NFXL1: variants seen among roughly 807,000 people sequenced by gnomAD.
NFXL1 encodes the protein NF-X1-type zinc finger protein NFXL1.
Under a neutral mutation model 123.3 loss-of-function variants are expected in NFXL1, and 66 were observed. The ratio of observed to expected loss-of-function variants is 0.54; its 90% CI spans 0.44 to 0.66. NFXL1 has a LOEUF of 0.66. NFXL1 is among the 30% of genes least tolerant of loss of function. The pLI, the probability that NFXL1 is intolerant of heterozygous loss-of-function variation, is 0.00. For missense variants in NFXL1, 944 were observed against 1,125.6 expected, an observed-to-expected ratio of 0.84 and a Z score of 2.31; for synonymous variants, 346 against 360.8, an observed-to-expected ratio of 0.96 and a Z score of 0.46.
intron 20 of NFXL1, among the ~76,000 whole-genome samples, chr4:47,852,379 C>A (rs1367715165): frequency 1.3e-5 from 2 of 152,070 alleles, no homozygotes; most frequent in East Asian, 3.9e-4. Flanking sequence ...CATATGGCTA[C>A]TGAGCACTTG....
chr4:47,863,093 T>G (rs929482561), intron 18 of NFXL1, among the ~76,000 whole-genome samples, 178 bp from the exon 19 acceptor site: 3 of 152,214 alleles, frequency 2.0e-5, no homozygotes, highest in African/African-American at 7.2e-5. Context: ...TTCTGATAAC[T>G]CAAACCATCC....
upstream of NFXL1, chr4:47,914,651 G>GC (rs2110115222): frequency 6.9e-6 from 1 of 144,262 alleles, no homozygotes; most frequent in South Asian, 2.5e-4. Context: ...ACTCCCAGAA[G>GC]CCCCCGCCCG....
chr4:47,889,542 G>C (rs1046322512), intron 12 of NFXL1, among the ~76,000 whole-genome samples: 1 of 152,150 alleles, frequency 6.6e-6, no homozygotes, highest in African/African-American at 2.4e-5. Flanking sequence ...ATATGCTGCA[G>C]GATTTCTGAA....
chr4:47,851,717 A>C, intron 21 of NFXL1, 139 bp downstream of exon 21: 1 of 565,322 alleles, frequency 1.8e-6, no homozygotes, highest in East Asian at 3.0e-5. Flanking sequence ...TCTGCCATTC[A>C]AAATAAGCCT....
chr4:47,914,207 T>G lies in NFXL1; in HGVS notation c.-2-2A>C, dbSNP rs1578048807. Reference sequence around the variant, plus strand: ...CCTGGCGCCAGGAAGCTTCCATCCCTGCAAAGGAGAAAAAAAAAAAAAAGA... The same window carrying G: ...CCTGGCGCCAGGAAGCTTCCATCCCGGCAAAGGAGAAAAAAAAAAAAAAGA... On this transcript the variant is annotated splice_acceptor_variant, in intron 1 of 22. Transcript: ENST00000507489. LOFTEE classifies it low-confidence loss of function (5UTR_SPLICE). 7.7e-6 allele frequency: 11 copies of G among 1,424,194 alleles called. No individual in the cohort carries two copies. Among genetic ancestry groups the G allele is most frequent in the Admixed American group, 5.3e-5 (2 of 38,048 alleles). 88.2% of individuals were successfully genotyped at this position (1,424,194 alleles called of 1,614,324 possible).
intron 3 of NFXL1, among the ~76,000 whole-genome samples, chr4:47,906,528 AAATT>A (rs1215675327): frequency 3.3e-5 from 5 of 152,186 alleles, no homozygotes; most frequent in Non-Finnish European, 7.3e-5. Flanking sequence ...TCAAAACTAT[AAATT>A]ATTATAAAAT....
chr4:47,852,576 A>G (rs1213643704), intron 20 of NFXL1, among the ~76,000 whole-genome samples: 1 of 151,964 alleles, frequency 6.6e-6, no homozygotes, highest in African/African-American at 2.4e-5. Context: ...TTTAGATGAA[A>G]ATTGTTCTAA....
intron 11 of NFXL1, among the ~76,000 whole-genome samples, chr4:47,891,692 T>C (rs1736776441): frequency 6.6e-6 from 1 of 152,194 alleles, no homozygotes; most frequent in South Asian, 2.1e-4. Flanking sequence ...AACTTAGGGT[T>C]GTATATAAGA....
chr4:47,905,180 A>G lies in NFXL1; in HGVS notation c.516+57T>C, dbSNP rs182849563. 2.4e-3 allele frequency: 1,646 copies of G among 683,472 alleles called. 12 individuals are homozygous for G. Among genetic ancestry groups the G allele is most frequent in the Middle Eastern group, 0.01 (40 of 3,950 alleles). 42.3% of individuals were successfully genotyped at this position (683,472 alleles called of 1,614,324 possible). A position where few individuals can be genotyped will look rare whatever the true frequency, so the allele number is the denominator to read the frequency against. On this transcript the variant is annotated intron_variant, in intron 4 of 22. Transcript: ENST00000507489. ...GAATAATAAATCGTTAAGTATTGTAAGGCAAACTAAGGTATTTTGGGGAGA... is the reference window on the plus strand; with the variant it reads ...GAATAATAAATCGTTAAGTATTGTAGGGCAAACTAAGGTATTTTGGGGAGA...
Position 47,884,428 on chromosome 4 carries a change from T to C in NFXL1, c.1834A>G (p.Thr612Ala), listed in dbSNP as rs377679572. 25 of 1,601,850 alleles carry C rather than the reference T, an allele frequency of 1.6e-5. No individual in the cohort carries two copies. The African/African-American group carries it at 3.1e-4, about 20-fold the overall frequency. ...LIKQTGRHQP[T>A]GPWEQPSEPA... ...TCAGAAGGCTGTTCCCAAGGGCCTGTAGGCTGGTGCTACAAATAAAATACA... is the reference window on the plus strand; with the variant it reads ...TCAGAAGGCTGTTCCCAAGGGCCTGCAGGCTGGTGCTACAAATAAAATACA... The change falls in exon 15 of 23, where the codon ACA (threonine) becomes GCA (alanine). Residue 612 changes from threonine to alanine, a missense_variant. By Grantham distance (58) the Thr-to-Ala change is moderately conservative. Around this residue, in one of 4 missense-constraint regions of NFXL1, gnomAD observed 44 missense variants for 90.4 expected, o/e 0.49. Transcript: ENST00000507489.
intron 11 of NFXL1, among the ~76,000 whole-genome samples, chr4:47,893,315 A>G (rs1249001419): frequency 1.3e-5 from 2 of 152,124 alleles, no homozygotes; most frequent in Non-Finnish European, 2.9e-5. Flanking sequence ...CACAAATATA[A>G]TAAAAACTAT....
intron 14 of NFXL1, among the ~76,000 whole-genome samples, chr4:47,885,104 AAC>A (rs1736346088): frequency 6.6e-6 from 1 of 151,484 alleles, no homozygotes; most frequent in Non-Finnish European, 1.5e-5. Flanking sequence ...CAGCCTGGGC[AAC>A]AGAGTGAGAC....
At chr4:47,875,461 A>G in intron 17 of NFXL1, 168 bp from the exon 18 acceptor site, 1 of 454,058 alleles carries the variant, frequency 2.2e-6, no homozygotes. Flanking sequence ...AAAATATTCA[A>G]ACTAAAGAAC....
At chr4:47,906,676 C>A (rs1451406886) in intron 3 of NFXL1, among the ~76,000 whole-genome samples, 1 of 152,094 alleles carries the variant, frequency 6.6e-6, no homozygotes, top group Non-Finnish European at 1.5e-5. Flanking sequence ...TTTTAAATTT[C>A]ATCTAATTTA....
intron 15 of NFXL1, among the ~76,000 whole-genome samples, chr4:47,881,501 T>C (rs1354747091): frequency 6.6e-6 from 1 of 152,122 alleles, no homozygotes; most frequent in Non-Finnish European, 1.5e-5. Flanking sequence ...AGTCTTACCA[T>C]GTGATCCAGC....
intron 18 of NFXL1, 84 bp downstream of exon 18, chr4:47,875,043 T>C (rs902044369): frequency 3.1e-5 from 27 of 864,804 alleles, no homozygotes; most frequent in Non-Finnish European, 4.2e-5. Context: ...TTAAGCAAAG[T>C]ACACTATAAA....
intron 18 of NFXL1, among the ~76,000 whole-genome samples, chr4:47,872,616 G>GTTATGT (rs1735519437): frequency 6.6e-6 from 1 of 152,038 alleles, no homozygotes; most frequent in Non-Finnish European, 1.5e-5. Context: ...GCATATAAAA[G>GTTATGT]TTATGTTTAC....
chr4:47,869,767 T>C (rs115143296), intron 18 of NFXL1, among the ~76,000 whole-genome samples: 13 of 151,748 alleles, frequency 8.6e-5, no homozygotes, highest in Non-Finnish European at 1.8e-4. Context: ...AAAAGAACAG[T>C]CAATCCAGTT....
chr4:47,902,381 T>C (rs1175462689), intron 5 of NFXL1, among the ~76,000 whole-genome samples: 1 of 152,096 alleles, frequency 6.6e-6, no homozygotes, highest in Admixed American at 6.6e-5. Flanking sequence ...TCCAACTCTT[T>C]CTGGAAATAT....
Sources: allele counts gnomAD v4.1 joint callset (sites outside exome capture counted in the v4.1 genomes callset), GRCh38; gene constraint gnomAD v4.1.1; regional missense constraint gnomAD v4.1.1; transcripts MANE v1.5; gene names NCBI Gene and HGNC (gene_info 2026-07-23, HGNC 2026-07-21).